SAMHD1: variants seen among roughly 807,000 people sequenced by gnomAD.
The protein encoded by SAMHD1 is deoxynucleoside triphosphate triphosphohydrolase SAMHD1.
Under a neutral mutation model 79.6 loss-of-function variants are expected in SAMHD1, and 54 were observed. The ratio of observed to expected loss-of-function variants is 0.68; its 90% confidence interval spans 0.55 to 0.85. The LOEUF is 0.85. Ranked by LOEUF, SAMHD1 falls within the 40% of genes least tolerant of loss-of-function variation. The probability of loss-of-function intolerance (pLI) is 0.00; values close to 1 mark genes in which losing one functional copy is unlikely to be tolerated. For missense variants in SAMHD1, 663 were observed against 782.7 expected, an observed-to-expected ratio of 0.85 and a Z score of 1.82; for synonymous variants, 260 against 264.1, an observed-to-expected ratio of 0.98 and a Z score of 0.15.
chr20:36,921,349 C>T (rs1350581270), intron 6 of SAMHD1, among the ~76,000 whole-genome samples: 3 of 141,858 alleles, frequency 2.1e-5, no homozygotes, highest in African/African-American at 5.3e-5. Flanking sequence ...GCCGAGATCA[C>T]GCCACTGCAC....
At chr20:36,931,657 A>C (rs1414281030) in intron 4 of SAMHD1, among the ~76,000 whole-genome samples, 1 of 152,028 alleles carries the variant, frequency 6.6e-6, no homozygotes, top group African/African-American at 2.4e-5. Flanking sequence ...CCCCCAAAAA[A>C]AGAAAGAGAA....
Position 36,891,644 on chromosome 20 carries a change from G to A in SAMHD1, c.*1288C>T, listed in dbSNP as rs1472853779. 6.6e-6 allele frequency: 1 copy of A among 152,290 alleles called. No homozygotes were observed. Among genetic ancestry groups the A allele is most frequent in the African/African-American group, 2.4e-5 (1 of 41,468 alleles). The allele number at this position is 152,290 out of a possible 1,614,324, so 9.4% of individuals were successfully genotyped here. Reference sequence around the variant, plus strand: ...AAACGAAGTTACCTAGCGGAGCCTGGAGCCCACTGGGTGGTCACTAATTTC... The same window carrying A: ...AAACGAAGTTACCTAGCGGAGCCTGAAGCCCACTGGGTGGTCACTAATTTC... On this transcript the variant is annotated 3_prime_UTR_variant, in exon 16 of 16. Transcript: ENST00000646673.
At chr20:36,903,081 C>G (rs755027017) in intron 13 of SAMHD1, among the ~76,000 whole-genome samples, 1 of 152,014 alleles carries the variant, frequency 6.6e-6, no homozygotes, top group Non-Finnish European at 1.5e-5. Context: ...CTGACAAGCT[C>G]GAAGAAAGTG....
chr20:36,931,003 A>G lies in SAMHD1; in HGVS notation c.510-128T>C, dbSNP rs148634658. The G allele has an allele frequency of 9.2e-5, 65 of 709,616 alleles. 2 individuals carry two copies. In the Middle Eastern group the frequency reaches 1.2e-3, roughly 13 times the overall value. The allele number at this position is 709,616 out of a possible 1,614,324, so 44.0% of individuals were successfully genotyped here. A position where few individuals can be genotyped will look rare whatever the true frequency, so the allele number is the denominator to read the frequency against. Reference sequence around the variant, plus strand: ...CTTTAGGGCAACTTTACTGAACAGTATATTTCAGAACTAGGCAGGAACACA... The same window carrying G: ...CTTTAGGGCAACTTTACTGAACAGTGTATTTCAGAACTAGGCAGGAACACA... On this transcript the variant is annotated intron_variant, in intron 4 of 15. Coordinates refer to ENST00000646673, the MANE Select transcript of SAMHD1 (RefSeq NM_015474.4).
chr20:36,947,078 T>C, intron 1 of SAMHD1: 2 of 346,970 alleles, frequency 5.8e-6, no homozygotes, highest in South Asian at 5.7e-5. Flanking sequence ...AAAAGGAAAG[T>C]GAAACCCGAC....
At position 36,891,597 on chromosome 20, in the gene SAMHD1, G is replaced by C. The variant is rs1026344251; in HGVS notation, c.*1335C>G. ...CACAGGGGCACTGCCCCACCAAGGT[G>C]GTGCCCACTCCACTGCTGGGAAAAC... is the stretch of plus-strand genomic sequence containing the variant. On this transcript the variant is annotated 3_prime_UTR_variant, in exon 16 of 16. Transcript: ENST00000646673. The C allele has an allele frequency of 6.6e-6, 1 of 152,304 alleles. No individual in the cohort carries two copies. Among genetic ancestry groups the C allele is most frequent in the African/African-American group, 2.4e-5 (1 of 41,464 alleles). The allele number at this position is 152,304 out of a possible 1,614,324, so 9.4% of individuals were successfully genotyped here. A position where few individuals can be genotyped will look rare whatever the true frequency, so the allele number is the denominator to read the frequency against.
At chr20:36,924,736 T>A (rs956284893) in intron 6 of SAMHD1, among the ~76,000 whole-genome samples, 1 of 150,990 alleles carries the variant, frequency 6.6e-6, no homozygotes, top group Admixed American at 6.6e-5. Context: ...TCTTTTCTTC[T>A]TTTTTTTTCT....
chr20:36,894,388 C>T (rs1427422567), intron 15 of SAMHD1, among the ~76,000 whole-genome samples: 1 of 151,264 alleles, frequency 6.6e-6, no homozygotes, highest in Non-Finnish European at 1.5e-5. Context: ...AGGTGTGCAT[C>T]ACCATGGCTA....
At chr20:36,951,313 G>C in intron 1 of SAMHD1, 123 bp downstream of exon 1, 1 of 1,389,546 alleles carries the variant, frequency 7.2e-7, no homozygotes, top group African/African-American at 1.4e-5. Context: ...GCCCTCCCGG[G>C]TGCCTCCCGC....
rs768797500 is a variant in SAMHD1, at chr20:36,892,815, T to C, written c.*117A>G. The C allele has an allele frequency of 7.5e-7, 1 of 1,326,296 alleles. No individual in the cohort carries two copies. The highest frequency in any genetic ancestry group is 1.1e-6 in the Non-Finnish European group (1 of 918,112). 82.2% of individuals were successfully genotyped at this position (1,326,296 alleles called of 1,614,324 possible). A position where few individuals can be genotyped will look rare whatever the true frequency, so the allele number is the denominator to read the frequency against. ...AAGTTACTTAGCTTCAGCATGCGTGTACATTCAAAATACAAAATTAAAGCA... is the reference window on the plus strand; with the variant it reads ...AAGTTACTTAGCTTCAGCATGCGTGCACATTCAAAATACAAAATTAAAGCA... On this transcript the variant is annotated 3_prime_UTR_variant, in exon 16 of 16. Transcript: ENST00000646673.
rs550875822 is a variant in SAMHD1 at position 36,913,447 on chromosome 20, A to G, written c.1063-895T>C. Reference sequence around the variant, plus strand: ...GGTGAAACCCTGTCTCTACAAAAATACAAAAATTAGCCGGGCATGATGGCG... The same window carrying G: ...GGTGAAACCCTGTCTCTACAAAAATGCAAAAATTAGCCGGGCATGATGGCG... On this transcript the variant is annotated intron_variant, in intron 9 of 15. Transcript: ENST00000646673. Among the ~76,000 whole-genome samples the G allele has an allele frequency of 4.3e-4, 65 of 151,642 alleles. No homozygotes were observed. The East Asian group carries it at 0.011, about 25-fold the overall frequency.
intron 13 of SAMHD1, among the ~76,000 whole-genome samples, chr20:36,902,926 A>G (rs1055021429): frequency 4.0e-5 from 6 of 151,894 alleles, no homozygotes; most frequent in Admixed American, 1.3e-4. Flanking sequence ...TTTAGTAGAG[A>G]TGGGGTTTCG....
In SAMHD1 at chr20:36,947,712, G is replaced by C. The variant is rs192597113; in HGVS notation, c.209-908C>G. Among the ~76,000 whole-genome samples the C allele has an allele frequency of 2.0e-5, 3 of 152,174 alleles. No homozygotes were observed. In the East Asian group the frequency reaches 5.8e-4, roughly 29 times the overall value. Reference sequence around the variant, plus strand: ...GAGACAGGGTTTTGCTTGTTGCCCAGGTTGGAGTGCAGTGGTGCGATCACA... The same window carrying C: ...GAGACAGGGTTTTGCTTGTTGCCCACGTTGGAGTGCAGTGGTGCGATCACA... On this transcript the variant is annotated intron_variant, in intron 1 of 15. Coordinates refer to ENST00000646673, the MANE Select transcript of SAMHD1 (RefSeq NM_015474.4).
rs2063439054 is a variant in SAMHD1 at position 36,911,328 on chromosome 20, G to A, written c.1160C>T (p.Thr387Ile). The change falls in exon 11 of 16, where the codon ACA becomes ATA. Residue 387 changes from threonine (T) to isoleucine (I), a missense_variant. Physicochemically the swap from Thr to Ile is moderately conservative, Grantham distance 89 (BLOSUM62 -1). Transcript: ENST00000646673. Reference protein sequence around the residue: ...KVGNIIDTMITDAFLKADDYI... With the variant: ...KVGNIIDTMIIDAFLKADDYI... ...GTCATCTGCTTTGAGGAAAGCATCT[G>A]TAATCCTAAAAATCATTTTGCAAAA... 9 of 1,604,864 alleles carry A rather than the reference G, an allele frequency of 5.6e-6. No individual in the cohort carries two copies. Among genetic ancestry groups the A allele is most frequent in the Non-Finnish European group, 7.7e-6 (9 of 1,174,032 alleles).
chr20:36,951,579 G>T lies in SAMHD1; in HGVS notation c.65C>A (p.Pro22His). The T allele has an allele frequency of 6.2e-7, 1 of 1,614,172 alleles. No homozygotes were observed. Among genetic ancestry groups the T allele is most frequent in the Non-Finnish European group, 8.5e-7 (1 of 1,180,002 alleles). Residue 22 changes from proline (P) to histidine (H), a missense_variant, in exon 1 of 16, where the codon CCC becomes CAC. By Grantham distance (77) the Pro-to-His change is moderately conservative (BLOSUM62 -2). Transcript: ENST00000646673. ...TGCCTCTGCGGAAGGGGTGTTTGAGGGGGTTCTCGGGCTGTCATCGCAACG... is the reference window on the plus strand; with the variant it reads ...TGCCTCTGCGGAAGGGGTGTTTGAGTGGGTTCTCGGGCTGTCATCGCAACG... ...RPRCDDSPRT[P>H]SNTPSAEADW...
At chr20:36,916,493 A>G (rs956098534) in intron 9 of SAMHD1, 6 of 456,260 alleles carry the variant, frequency 1.3e-5, no homozygotes, top group Non-Finnish European at 2.4e-5. Flanking sequence ...CCAACCAAAC[A>G]AAAAAACCCC....
intron 1 of SAMHD1, among the ~76,000 whole-genome samples, chr20:36,947,312 TGTG>T (rs2063693983): frequency 1.4e-5 from 1 of 70,758 alleles, no homozygotes; most frequent in African/African-American, 4.5e-5. Context: ...TTGGAAGAGG[TGTG>T]TGTGTGTGTG....
At position 36,943,989 on chromosome 20, in the gene SAMHD1, A is replaced by C. The variant is rs1220635913; in HGVS notation, c.275+2749T>G. Among the ~76,000 whole-genome samples the C allele has an allele frequency of 2.7e-5, 4 of 148,238 alleles. No individual in the cohort carries two copies. In the Admixed American group the frequency reaches 2.8e-4, roughly 10 times the overall value. On this transcript the variant is annotated intron_variant, in intron 2 of 15. Transcript: ENST00000646673. ...GCTACTCAGGAGGCTGAGGTGGTAG[A>C]ATCACTTGAATCTGGGAGGTGGAGG...
chr20:36,949,797 G>A (rs998876857), intron 1 of SAMHD1, among the ~76,000 whole-genome samples: 2 of 150,910 alleles, frequency 1.3e-5, no homozygotes, highest in Admixed American at 6.6e-5. Context: ...ACAGAAAAAG[G>A]GTCTTCTTTT....
Sources: gnomAD v4.1 joint callset for allele counts (sites outside exome capture counted in the v4.1 genomes callset) on GRCh38, gnomAD v4.1.1 for gene constraint, MANE v1.5 for transcripts, NCBI Gene and HGNC (gene_info 2026-07-23, HGNC 2026-07-21) for gene names.